The following RBFOX1 variants were observed in gnomAD, a reference collection of about 807,000 sequenced individuals.
RBFOX1 encodes the protein RNA binding fox-1 homolog 1.
RBFOX1 carries 8 observed loss-of-function variants against 57.7 expected under a neutral mutation model. The observed-to-expected ratio is 0.14, with a 90% CI of 0.08 to 0.25. RBFOX1 has a LOEUF of 0.25. Ranked by LOEUF, RBFOX1 falls within the 10% of genes least tolerant of loss-of-function variation. The probability of loss-of-function intolerance (pLI) is 1.00; values close to 1 mark genes in which losing one functional copy is unlikely to be tolerated. For synonymous variants in RBFOX1, 326 were observed against 222.4 expected (o/e 1.47, Z -4.15); for missense variants, 611 against 548.5 (o/e 1.11, Z -1.14).
chr16:5,272,437 C>T (rs933656707), intron 1 of RBFOX1, among the ~76,000 whole-genome samples: 18 of 152,202 alleles, frequency 1.2e-4, no homozygotes, highest in Non-Finnish European at 1.3e-4. Flanking sequence ...CTGTTGCTCT[C>T]AGGCCCACAG....
chr16:6,073,578 A>T (rs1217557558), intron 1 of RBFOX1, among the ~76,000 whole-genome samples: 1 of 152,204 alleles, frequency 6.6e-6, no homozygotes, highest in Non-Finnish European at 1.5e-5. Flanking sequence ...TTAGAACGTA[A>T]TACACTTCCG....
chr16:5,483,125 A>G (rs2069603491), intron 2 of RBFOX1, among the ~76,000 whole-genome samples: 1 of 152,112 alleles, frequency 6.6e-6, no homozygotes, highest in Non-Finnish European at 1.5e-5. Flanking sequence ...TTTACAAAGC[A>G]TGTCTGTGGG....
At chr16:6,051,474 C>A (rs2095551394) in intron 1 of RBFOX1, among the ~76,000 whole-genome samples, 1 of 152,120 alleles carries the variant, frequency 6.6e-6, no homozygotes, top group Admixed American at 6.6e-5. Context: ...ATTACAGGTG[C>A]CTTCCACCAC....
chr16:5,950,697 G>A (rs2059502189), intron 4 of RBFOX1, among the ~76,000 whole-genome samples: 1 of 152,144 alleles, frequency 6.6e-6, no homozygotes, highest in Admixed American at 6.5e-5. Flanking sequence ...TCTCTTCCCA[G>A]TCCAGCAAAC....
At chr16:6,774,387 A>T (rs963441722) in intron 3 of RBFOX1, among the ~76,000 whole-genome samples, 5 of 152,188 alleles carry the variant, frequency 3.3e-5, no homozygotes, top group African/African-American at 1.2e-4. Context: ...AAATTGAGCA[A>T]TTGTGGTTAT....
In RBFOX1 at chr16:7,702,955, A is replaced by C. The variant is rs551441298; in HGVS notation, c.996-6101A>C. Among the ~76,000 whole-genome samples, 8 of 152,302 alleles carry C rather than the reference A, an allele frequency of 5.3e-5. No homozygotes were observed. In the East Asian group the frequency reaches 1.5e-3, roughly 29 times the overall value. ...CTTCCTGGGTGCAGGTTACCTTCTGATGTCCCCCTTCTTACCTGGTGCCCC... is the reference window on the plus strand; with the variant it reads ...CTTCCTGGGTGCAGGTTACCTTCTGCTGTCCCCCTTCTTACCTGGTGCCCC... On this transcript the variant is annotated intron_variant, in intron 14 of 15. Coordinates refer to ENST00000550418, the MANE Select transcript of RBFOX1 (RefSeq NM_018723.4).
At chr16:6,931,340 T>TCTATCTACACACAC (rs139959481) in intron 3 of RBFOX1, among the ~76,000 whole-genome samples, 3 of 106,938 alleles carry the variant, frequency 2.8e-5, no homozygotes, top group Admixed American at 8.7e-5. Context: ...TATCTATCTC[T>TCTATCTACACACAC]ACACACACAC....
intron 3 of RBFOX1, among the ~76,000 whole-genome samples, chr16:6,916,761 C>G (rs918634673): frequency 2.0e-5 from 3 of 152,152 alleles, no homozygotes; most frequent in African/African-American, 7.2e-5. Flanking sequence ...TTTCTACCAC[C>G]CACTTAAACT....
intron 4 of RBFOX1, among the ~76,000 whole-genome samples, chr16:7,158,087 G>A (rs914159478): frequency 2.0e-5 from 3 of 152,096 alleles, no homozygotes; most frequent in African/African-American, 7.2e-5. Context: ...GGTAGCTCAA[G>A]CCTGTAATTC....
chr16:6,966,727 C>G (rs935060625), intron 3 of RBFOX1, among the ~76,000 whole-genome samples: 2 of 152,036 alleles, frequency 1.3e-5, no homozygotes, highest in African/African-American at 2.4e-5. Context: ...GATGAGAAGT[C>G]ACTGTAACTC....
At chr16:5,268,973 G>C (rs998689797) in intron 1 of RBFOX1, among the ~76,000 whole-genome samples, 4 of 151,262 alleles carry the variant, frequency 2.6e-5, no homozygotes, top group African/African-American at 9.7e-5. Context: ...AGAGTGCAGT[G>C]GCACAATCTC....
chr16:5,533,115 G>A (rs2044552570), intron 2 of RBFOX1, among the ~76,000 whole-genome samples: 1 of 152,158 alleles, frequency 6.6e-6, no homozygotes, highest in African/African-American at 2.4e-5. Flanking sequence ...TCAAGAGAAG[G>A]AGTTATTCGT....
At chr16:6,526,394 CATCA>C (rs988522971) in intron 2 of RBFOX1, among the ~76,000 whole-genome samples, 3 of 152,150 alleles carry the variant, frequency 2.0e-5, no homozygotes, top group Admixed American at 6.5e-5. Context: ...TGAGTCGAAT[CATCA>C]ATCAAGAGAT....
At chr16:5,857,524 A>T (rs2057102604) in intron 3 of RBFOX1, among the ~76,000 whole-genome samples, 1 of 152,128 alleles carries the variant, frequency 6.6e-6, no homozygotes. Context: ...CAATAAAATG[A>T]CCTGGGCCTG....
intron 3 of RBFOX1, among the ~76,000 whole-genome samples, chr16:6,943,708 TAAA>T (rs35455385): frequency 9.7e-5 from 13 of 133,976 alleles, no homozygotes; most frequent in Admixed American, 3.0e-4. Context: ...ACTCTGTCTT[TAAA>T]AAAAAAAAAA....
chr16:7,520,981 A>G (rs1373094413), intron 5 of RBFOX1, among the ~76,000 whole-genome samples: 3 of 152,224 alleles, frequency 2.0e-5, no homozygotes, highest in Non-Finnish European at 2.9e-5. Context: ...ACCTCTTGTA[A>G]CTTAGTATGA....
chr16:5,596,142 A>G (rs1283850474), intron 2 of RBFOX1, among the ~76,000 whole-genome samples: 1 of 152,150 alleles, frequency 6.6e-6, no homozygotes, highest in East Asian at 1.9e-4. Flanking sequence ...AAAGTGTGGA[A>G]GGGGCAAAGA....
chr16:5,454,963 CTTTCTTTCTTT>C (rs1567536009), intron 1 of RBFOX1, among the ~76,000 whole-genome samples: 26 of 48,768 alleles, frequency 5.3e-4, no homozygotes, highest in African/African-American at 1.0e-3. Flanking sequence ...TCCTTCCTTT[CTTTCTTTCTTT>C]CTTTCTTTCT....
chr16:7,434,577 C>G (rs989108248), intron 4 of RBFOX1, among the ~76,000 whole-genome samples: 1 of 152,000 alleles, frequency 6.6e-6, no homozygotes, highest in Non-Finnish European at 1.5e-5. Flanking sequence ...ACCACCATGA[C>G]CTACTGGACT....
Sources: gnomAD v4.1 joint callset for allele counts (sites outside exome capture counted in the v4.1 genomes callset) on GRCh38, gnomAD v4.1.1 for gene constraint, MANE v1.5 for transcripts, NCBI Gene and HGNC (gene_info 2026-07-23, HGNC 2026-07-21) for gene names.